METTL2A: variants seen among roughly 807,000 people sequenced by gnomAD.
METTL2A encodes methyltransferase 2A, tRNA N3-cytidine.
METTL2A carries 45 observed loss-of-function variants against 49.4 expected under a neutral mutation model. That is an observed-to-expected ratio of 0.91 (90% confidence interval 0.72 to 1.17). METTL2A has a LOEUF of 1.17. Among genes scored for constraint, METTL2A ranks in the 50% most tolerant of loss-of-function variants. METTL2A has a pLI of 0.00. For synonymous variants in METTL2A, 118 were observed against 167.5 expected, an observed-to-expected ratio of 0.70 and a Z score of 2.28; for missense variants, 361 against 462.2, an observed-to-expected ratio of 0.78 and a Z score of 2.01.
chr17:62,430,741 C>T (rs1197461742), intron 4 of METTL2A, among the ~76,000 whole-genome samples: 2 of 152,156 alleles, frequency 1.3e-5, no homozygotes, highest in Non-Finnish European at 2.9e-5. Context: ...TGCAGTGATT[C>T]GATCTCGGCT....
At chr17:62,436,473 A>G (rs1295349504) in intron 5 of METTL2A, among the ~76,000 whole-genome samples, 7 of 152,152 alleles carry the variant, frequency 4.6e-5, no homozygotes, top group Non-Finnish European at 8.8e-5. Flanking sequence ...AATCGCTTGA[A>G]CTGGGGAGGC....
rs747253879 is a variant in METTL2A at position 62,427,807 on chromosome 17, A to G, written c.578A>G (p.Asn193Ser). The G allele has an allele frequency of 1.9e-6, 3 of 1,606,322 alleles. No homozygotes were observed. The highest frequency in any genetic ancestry group is 2.5e-6 in the Non-Finnish European group (3 of 1,178,132). ...CTGCAGGTTGGCTGTGGTGTGGGAA[A>G]CACAGTCTTTCCAATTTTACAAACG... ...RILEVGCGVG[N>S]TVFPILQTNN... The change falls in exon 4 of 9, where the codon AAC becomes AGC. Residue 193 changes from asparagine (N) to serine (S), a missense_variant. This residue lies in a region of METTL2A where 28 missense variants were observed against 75.6 expected (regional missense o/e 0.37). Transcript: ENST00000311506.
At chr17:62,427,685 C>T in intron 3 of METTL2A, 103 bp from the exon 4 acceptor site, 2 of 1,553,876 alleles carry the variant, frequency 1.3e-6, no homozygotes, top group Non-Finnish European at 1.7e-6. Flanking sequence ...TTCCCTAATA[C>T]AGTTAGGCCA....
chr17:62,429,643 C>CCAA (rs1278439403), intron 4 of METTL2A, among the ~76,000 whole-genome samples: 1 of 151,738 alleles, frequency 6.6e-6, no homozygotes, highest in African/African-American at 2.4e-5. Flanking sequence ...ACCACAAAGA[C>CCAA]CAACACCAGA....
chr17:62,435,110 T>TA lies in METTL2A; in HGVS notation c.609-121dup, dbSNP rs565220784. The TA allele has an allele frequency of 6.1e-4, 867 of 1,417,580 alleles. 3 individuals carry two copies. In the East Asian group the frequency reaches 0.015, roughly 24 times the overall value. The allele number at this position is 1,417,580 out of a possible 1,614,324, so 87.8% of individuals were successfully genotyped here. A position where few individuals can be genotyped will look rare whatever the true frequency, so the allele number is the denominator to read the frequency against. On this transcript the variant is annotated intron_variant, in intron 4 of 8. Transcript: ENST00000311506. ...AATGAAATATGTTGTGACTAATAGA[T>TA]ACAGTTTATTTGAATGAATGATAGT...
Position 62,450,140 on chromosome 17 carries a change from T to A in METTL2A, c.*1411T>A, listed in dbSNP as rs2070796566. On this transcript the variant is annotated 3_prime_UTR_variant, in exon 9 of 9. Coordinates refer to ENST00000311506, the MANE Select transcript of METTL2A (RefSeq NM_181725.4). The stretch of plus-strand genomic sequence containing the variant: ...TTTCACTTTTTGCAAAATTATCTTT[T>A]TTAATGCACCCTTAAGTGTTTGACA... The A allele has an allele frequency of 1.3e-5, 2 of 152,116 alleles. No homozygotes were observed. The highest frequency in any genetic ancestry group is 2.9e-5 in the Non-Finnish European group (2 of 68,042). The allele number at this position is 152,116 out of a possible 1,614,324, so 9.4% of individuals were successfully genotyped here.
intron 8 of METTL2A, among the ~76,000 whole-genome samples, chr17:62,448,332 G>A (rs113529098): frequency 0.021 from 3,125 of 152,186 alleles, 122 homozygotes; most frequent in African/African-American, 0.071. Flanking sequence ...TGTTCATAGA[G>A]CCTAAAGGCC....
At chr17:62,426,087 ACT>A (rs987195192) in intron 2 of METTL2A, among the ~76,000 whole-genome samples, 22 of 152,078 alleles carry the variant, frequency 1.4e-4, no homozygotes, top group African/African-American at 5.3e-4. Context: ...CAGAATTTAG[ACT>A]CTCCTATAAT....
Position 62,431,043 on chromosome 17 carries a change from T to C in METTL2A, c.608+3206T>C, listed in dbSNP as rs2070661331. Among the ~76,000 whole-genome samples the C allele has an allele frequency of 1.3e-5, 2 of 151,986 alleles. 1 individual carries two copies. The highest frequency in any genetic ancestry group is 4.1e-4 in the South Asian group (2 of 4,820). The stretch of plus-strand genomic sequence containing the variant: ...ACCATACCCAGCTAATTTTGTATTT[T>C]TAGTAGAGACGGGGTTTCTCCATGT... On this transcript the variant is annotated intron_variant, in intron 4 of 8. Coordinates refer to ENST00000311506, the MANE Select transcript of METTL2A (RefSeq NM_181725.4).
rs1349375548 is a variant in METTL2A at position 62,444,249 on chromosome 17, G to A, written c.810-588G>A. 2.0e-5 allele frequency among the ~76,000 whole-genome samples: 3 copies of A among 152,216 alleles called. No homozygotes were observed. The East Asian group carries it at 5.8e-4, about 29-fold the overall frequency. On this transcript the variant is annotated intron_variant, in intron 6 of 8. Transcript: ENST00000311506. ...GCTATCTAGGACAGTGGGGAAGTGA[G>A]CCAGATAGAGAGCAGAGAACTTTTG... is the stretch of plus-strand genomic sequence containing the variant.
intron 2 of METTL2A, 51 bp downstream of exon 2, chr17:62,424,361 C>A: frequency 1.2e-6 from 2 of 1,609,128 alleles, no homozygotes; most frequent in Non-Finnish European, 1.7e-6. Flanking sequence ...TACTGCCGAA[C>A]GCGCCCTCCC....
At chr17:62,438,318 A>G (rs1350935519) in intron 5 of METTL2A, among the ~76,000 whole-genome samples, 1 of 151,870 alleles carries the variant, frequency 6.6e-6, no homozygotes, top group Non-Finnish European at 1.5e-5. Context: ...GAGGCAGGAG[A>G]ATCGCTTGAA....
At chr17:62,424,721 G>T (rs11651893) in intron 2 of METTL2A, among the ~76,000 whole-genome samples, 11 of 151,632 alleles carry the variant, frequency 7.3e-5, no homozygotes, top group Non-Finnish European at 1.0e-4. Context: ...TGTTGGGAGG[G>T]GGGCTAGTGA....
chr17:62,448,749 C>T lies in METTL2A; in HGVS notation c.*20C>T, dbSNP rs761430763. 8.7e-6 allele frequency: 14 copies of T among 1,612,042 alleles called. No homozygotes were observed. The highest frequency in any genetic ancestry group is 4.5e-5 in the East Asian group (2 of 44,848). Reference sequence around the variant, plus strand: ...AGCTGAGAGGCACCTGCTGCCAACACGATGCAAGCCCATTGTGTTTCCGGG... The same window carrying T: ...AGCTGAGAGGCACCTGCTGCCAACATGATGCAAGCCCATTGTGTTTCCGGG... On this transcript the variant is annotated 3_prime_UTR_variant, in exon 9 of 9. Transcript: ENST00000311506.
At chr17:62,439,069 C>T (rs2070720503) in intron 5 of METTL2A, among the ~76,000 whole-genome samples, 1 of 150,268 alleles carries the variant, frequency 6.7e-6, no homozygotes, top group Non-Finnish European at 1.5e-5. Flanking sequence ...ACCTCCGCCT[C>T]CCAGGTTCAA....
intron 5 of METTL2A, among the ~76,000 whole-genome samples, chr17:62,438,671 C>G (rs1485950874): frequency 1.3e-5 from 2 of 151,406 alleles, no homozygotes; most frequent in Non-Finnish European, 2.9e-5. Context: ...AATTATTATT[C>G]AGTTAAAGAC....
At chr17:62,430,928 C>T (rs1462482392) in intron 4 of METTL2A, among the ~76,000 whole-genome samples, 1 of 152,120 alleles carries the variant, frequency 6.6e-6, no homozygotes, top group East Asian at 1.9e-4. Context: ...TGCAGTGGTG[C>T]GATCTTGGCT....
At position 62,448,927 on chromosome 17, in the gene METTL2A, A is replaced by T; in HGVS notation, c.*198A>T. Reference sequence around the variant, plus strand: ...TGTATCTGAAAGTAATAATAAAAATAAAAAATATAAATGAGGTCTCGTTGA... The same window carrying T: ...TGTATCTGAAAGTAATAATAAAAATTAAAAATATAAATGAGGTCTCGTTGA... On this transcript the variant is annotated 3_prime_UTR_variant, in exon 9 of 9. Coordinates refer to ENST00000311506, the MANE Select transcript of METTL2A (RefSeq NM_181725.4). 1 of 662,260 alleles carries T rather than the reference A, an allele frequency of 1.5e-6. No homozygotes were observed. Among genetic ancestry groups the T allele is most frequent in the East Asian group, 3.2e-5 (1 of 31,070 alleles). The allele number at this position is 662,260 out of a possible 1,614,324, so 41.0% of individuals were successfully genotyped here.
chr17:62,424,266 A>C lies in METTL2A; in HGVS notation c.158A>C (p.Lys53Thr). 15 of 1,613,990 alleles carry C rather than the reference A, an allele frequency of 9.3e-6. No homozygotes were observed. The highest frequency in any genetic ancestry group is 1.3e-5 in the Non-Finnish European group (15 of 1,179,950). ...GAGCAAGCCGCGGCGGCGGAGAGAA[A>C]AGTCCAGGAGAACAGTATCCAGCGG... ...SEEQAAAAER[K>T]VQENSIQRVC... The change falls in exon 2 of 9, where the codon AAA (lysine) becomes ACA (threonine). Residue 53 changes from lysine to threonine, a missense_variant. Coordinates refer to ENST00000311506, the MANE Select transcript of METTL2A (RefSeq NM_181725.4).
Sources: gnomAD v4.1 joint callset for allele counts (sites outside exome capture counted in the v4.1 genomes callset) on GRCh38, gnomAD v4.1.1 for gene constraint, gnomAD v4.1.1 regional missense constraint, MANE v1.5 for transcripts, NCBI Gene and HGNC (gene_info 2026-07-23, HGNC 2026-07-21) for gene names.